CCS: variants seen among roughly 807,000 people sequenced by gnomAD.
The protein encoded by CCS is superoxide dismutase copper chaperone.
Under a neutral mutation model 35.5 loss-of-function variants are expected in CCS, and 32 were observed. The ratio of observed to expected loss-of-function variants is 0.90; its 90% CI spans 0.68 to 1.21. The LOEUF (loss-of-function observed/expected upper bound fraction) is 1.21. Ranked by LOEUF, CCS falls within the 50% of genes most tolerant of loss-of-function variation. CCS has a pLI of 0.00. For missense variants in CCS, 342 were observed against 375.4 expected (o/e 0.91, Z 0.73); for synonymous variants, 130 against 147.2 (o/e 0.88, Z 0.84).
Position 66,600,471 on chromosome 11 carries a change from G to C in CCS, c.429-18G>C. On this transcript the variant is annotated intron_variant, in intron 4 of 7. Coordinates refer to ENST00000533244, the MANE Select transcript of CCS (RefSeq NM_005125.2). ...CTGTGAGCTGCTTTCCTGCCCACCT[G>C]TTTCCTTTCTTTCTTAGCTGTGGGA... 1 of 1,505,808 alleles carries C rather than the reference G, an allele frequency of 6.6e-7. No individual in the cohort carries two copies. Among genetic ancestry groups the C allele is most frequent in the Non-Finnish European group, 8.9e-7 (1 of 1,121,670 alleles). 93.3% of individuals were successfully genotyped at this position (1,505,808 alleles called of 1,614,324 possible).
intron 2 of CCS, among the ~76,000 whole-genome samples, chr11:66,595,329 C>A (rs913643529): frequency 6.6e-6 from 1 of 152,124 alleles, no homozygotes; most frequent in African/African-American, 2.4e-5. Context: ...GCTTAGACTA[C>A]GCGTTTTGGG....
At chr11:66,598,362 T>A (rs1858513571) in intron 2 of CCS, among the ~76,000 whole-genome samples, 1 of 147,264 alleles carries the variant, frequency 6.8e-6, no homozygotes, top group African/African-American at 2.5e-5. Context: ...TACAAAAAAA[T>A]TAGCTGGGCA....
At chr11:66,600,373 C>T (rs1858552251) in intron 4 of CCS, 116 bp from the exon 5 acceptor site, 1 of 638,486 alleles carries the variant, frequency 1.6e-6, no homozygotes, top group East Asian at 3.0e-5. Context: ...ACAGAGTAGG[C>T]CTGTTTGTTG....
intron 5 of CCS, 151 bp from the exon 6 acceptor site, chr11:66,605,187 TG>T: frequency 1.3e-6 from 2 of 1,539,390 alleles, no homozygotes; most frequent in Non-Finnish European, 1.7e-6. Context: ...GCCCAGTCCT[TG>T]GGGAGCTCAG....
rs376005966 is a variant in CCS at position 66,593,199 on chromosome 11, C to G, written c.-63C>G. ...TTTAGAGGCTCAGTCCCCGCGACGCCGCGCTGGTTGGTGCTCCTGCGCCGG... is the reference window on the plus strand; with the variant it reads ...TTTAGAGGCTCAGTCCCCGCGACGCGGCGCTGGTTGGTGCTCCTGCGCCGG... On this transcript the variant is annotated 5_prime_UTR_variant, in exon 1 of 8. Coordinates refer to ENST00000533244, the MANE Select transcript of CCS (RefSeq NM_005125.2). 1 of 1,531,002 alleles carries G rather than the reference C, an allele frequency of 6.5e-7. No individual in the cohort carries two copies. The highest frequency in any genetic ancestry group is 2.0e-5 in the Admixed American group (1 of 49,874). 94.8% of individuals were successfully genotyped at this position (1,531,002 alleles called of 1,614,324 possible).
Position 66,606,006 on chromosome 11 carries a change from A to T in CCS, c.*151A>T, listed in dbSNP as rs1858653740. 3 of 810,664 alleles carry T rather than the reference A, an allele frequency of 3.7e-6. No homozygotes were observed. The highest frequency in any genetic ancestry group is 5.2e-6 in the Non-Finnish European group (3 of 574,668). The allele number at this position is 810,664 out of a possible 1,614,324, so 50.2% of individuals were successfully genotyped here. A position where few individuals can be genotyped will look rare whatever the true frequency, so the allele number is the denominator to read the frequency against. On this transcript the variant is annotated 3_prime_UTR_variant, in exon 8 of 8. Coordinates refer to ENST00000533244, the MANE Select transcript of CCS (RefSeq NM_005125.2). ...TGTTCCCTTGGCAAATGAAAGTTTTATTTTCGTTTGGGACTTGGTGTTTTG... is the reference window on the plus strand; with the variant it reads ...TGTTCCCTTGGCAAATGAAAGTTTTTTTTTCGTTTGGGACTTGGTGTTTTG...
intron 2 of CCS, among the ~76,000 whole-genome samples, chr11:66,598,915 C>T (rs1382686667): frequency 6.6e-6 from 1 of 152,100 alleles, no homozygotes; most frequent in African/African-American, 2.4e-5. Context: ...GGCAAGGTGG[C>T]ATTATCCCCA....
chr11:66,605,454 G>C (rs1361371452), intron 6 of CCS, 35 bp from the exon 7 acceptor site: 5 of 1,613,610 alleles, frequency 3.1e-6, no homozygotes, highest in Middle Eastern at 3.3e-4. Flanking sequence ...TTCCTAACAG[G>C]GTCCATCATC....
Position 66,599,511 on chromosome 11 carries a change from G to A in CCS, c.303G>A (p.Gly101=), listed in dbSNP as rs748612840. The A allele has an allele frequency of 6.3e-7, 1 of 1,582,698 alleles. No individual in the cohort carries two copies. Among genetic ancestry groups the A allele is most frequent in the Non-Finnish European group, 8.6e-7 (1 of 1,166,184 alleles). ...AILGGPGTVQ[G]VVRFLQLTPE... is the part of the protein sequence containing the mutation. ...TGGGGGGGCCTGGCACCGTGCAGGG[G>A]GTGGTGCGCTTCCTACAGCTGACCC... The change falls in exon 4 of 8, where the codon GGG becomes GGA. Residue 101 remains glycine, a synonymous_variant. Coordinates refer to ENST00000533244, the MANE Select transcript of CCS (RefSeq NM_005125.2).
At chr11:66,597,816 T>G (rs200749228) in intron 2 of CCS, among the ~76,000 whole-genome samples, 1 of 148,354 alleles carries the variant, frequency 6.7e-6, no homozygotes, top group East Asian at 2.0e-4. Context: ...CGCCTGTAAT[T>G]CCAGCACTTT....
chr11:66,603,044 G>A (rs970605495), intron 5 of CCS, among the ~76,000 whole-genome samples: 1 of 152,206 alleles, frequency 6.6e-6, no homozygotes, highest in South Asian at 2.1e-4. Flanking sequence ...GCACTAGAAG[G>A]ATTGTTCTGA....
chr11:66,599,831 C>T (rs1858544354), intron 4 of CCS, 195 bp downstream of exon 4: 4 of 565,206 alleles, frequency 7.1e-6, no homozygotes, highest in Non-Finnish European at 1.2e-5. Flanking sequence ...CAAGATCTGA[C>T]CTTGGCTGGG....
intron 2 of CCS, among the ~76,000 whole-genome samples, 171 bp downstream of exon 2, chr11:66,593,885 C>T (rs1858427759): frequency 6.6e-6 from 1 of 152,232 alleles, no homozygotes; most frequent in Admixed American, 6.5e-5. Flanking sequence ...GCCTAGAGTA[C>T]AGCTGTCCAG....
In CCS at chr11:66,602,636, G is replaced by A. The variant is rs1030017819; in HGVS notation, c.489+2087G>A. Among the ~76,000 whole-genome samples, 7 of 151,802 alleles carry A rather than the reference G, an allele frequency of 4.6e-5. 1 individual carries two copies. The highest frequency in any genetic ancestry group is 1.0e-4 in the Non-Finnish European group (7 of 67,894). On this transcript the variant is annotated intron_variant, in intron 5 of 7. Transcript: ENST00000533244. ...AGTAGGCATTGAAGAGGGTAAGAGT[G>A]GGATTGGCAAGCCCAGCAAAAGAAA...
Position 66,593,271 on chromosome 11 carries a change from G to A in CCS, c.10G>A (p.Asp4Asn). 1.9e-6 allele frequency: 3 copies of A among 1,559,940 alleles called. No homozygotes were observed. The highest frequency in any genetic ancestry group is 2.6e-6 in the Non-Finnish European group (3 of 1,153,050). ...GGTGACTGGGTCCAGAATGGCTTCG[G>A]ATTCGGGGAACCAGGGGACCCTCTG... MAS[D>N]SGNQGTLCTL... is the part of the protein sequence containing the mutation. Residue 4 changes from aspartate to asparagine, a missense_variant, in exon 1 of 8, where the codon GAT becomes AAT. Asp to Asn is a conservative substitution (Grantham distance 23). Coordinates refer to ENST00000533244, the MANE Select transcript of CCS (RefSeq NM_005125.2).
At position 66,599,230 on chromosome 11, in the gene CCS, A is replaced by C; in HGVS notation, c.227A>C (p.Lys76Thr). ...GGCACGGGGCGGCAGGCGGTACTCA[A>C]GGGCATGGGCAGCGGCCAGTTGCGT... ...LEGTGRQAVL[K>T]GMGSGQLQNL... The change falls in exon 3 of 8, where the codon AAG becomes ACG. Residue 76 changes from lysine to threonine, a missense_variant. Lys to Thr is a moderately conservative substitution (Grantham distance 78). Transcript: ENST00000533244. 6.2e-7 allele frequency: 1 copy of C among 1,611,164 alleles called. No homozygotes were observed. Among genetic ancestry groups the C allele is most frequent in the Non-Finnish European group, 8.5e-7 (1 of 1,178,666 alleles).
chr11:66,605,012 C>T, intron 5 of CCS: 1 of 848,540 alleles, frequency 1.2e-6, no homozygotes, highest in South Asian at 1.7e-5. Flanking sequence ...GAAAAACAGT[C>T]TGATCCAATG....
At chr11:66,600,292 C>T (rs1858551242) in intron 4 of CCS, 197 bp from the exon 5 acceptor site, 1 of 400,662 alleles carries the variant, frequency 2.5e-6, no homozygotes, top group Non-Finnish European at 4.4e-6. Flanking sequence ...TGTGAGTCCC[C>T]TGAGCCAGAA....
At position 66,599,151 on chromosome 11, in the gene CCS, A is replaced by G. The variant is rs757621525; in HGVS notation, c.148A>G (p.Met50Val). The change falls in exon 3 of 8, where the codon ATG (methionine) becomes GTG (valine). Residue 50 changes from methionine to valine, a missense_variant. Met to Val is a conservative substitution (Grantham distance 21). Coordinates refer to ENST00000533244, the MANE Select transcript of CCS (RefSeq NM_005125.2). The part of the protein sequence containing the change: ...QDVEVHLEDQ[M>V]VLVHTTLPSQ... ...TGTGGAGGTGCACTTGGAGGACCAGATGGTCTTGGTACACACCACTCTACC... is the reference window on the plus strand; with the variant it reads ...TGTGGAGGTGCACTTGGAGGACCAGGTGGTCTTGGTACACACCACTCTACC... 5 of 1,614,024 alleles carry G rather than the reference A, an allele frequency of 3.1e-6. No homozygotes were observed. The South Asian group carries it at 3.3e-5, about 11-fold the overall frequency.
Sources: allele counts gnomAD v4.1 joint callset (sites outside exome capture counted in the v4.1 genomes callset), GRCh38; gene constraint gnomAD v4.1.1; transcripts MANE v1.5; gene names NCBI Gene and HGNC (gene_info 2026-07-23, HGNC 2026-07-21).